Variants in ATM observed in about 807,000 individuals in gnomAD.
ATM encodes the protein serine-protein kinase ATM.
ATM carries 308 observed loss-of-function variants against 387.0 expected under a neutral mutation model. That is an observed-to-expected ratio of 0.80 (90% CI 0.73 to 0.87). The LOEUF is 0.87. Ranked by LOEUF, ATM falls within the 40% of genes least tolerant of loss-of-function variation. The probability of loss-of-function intolerance (pLI) is 0.00; values close to 1 mark genes in which losing one functional copy is unlikely to be tolerated. For missense variants in ATM, 3,312 were observed against 3,560.9 expected (o/e 0.93, Z 1.78); for synonymous variants, 1,156 against 1,187.3 (o/e 0.97, Z 0.54).
intron 23 of ATM, among the ~76,000 whole-genome samples, chr11:108,280,546 A>G (rs1196024387): frequency 6.6e-6 from 1 of 151,970 alleles, no homozygotes; most frequent in East Asian, 1.9e-4. Flanking sequence ...TGATACGGGT[A>G]TACAATGTGA....
At chr11:108,277,574 A>G (rs2082012390) in intron 22 of ATM, among the ~76,000 whole-genome samples, 1 of 152,170 alleles carries the variant, frequency 6.6e-6, no homozygotes, top group African/African-American at 2.4e-5. Flanking sequence ...GGAATCCACC[A>G]TTCCTCACAG....
At chr11:108,231,984 C>G (rs1224771403) in intron 4 of ATM, among the ~76,000 whole-genome samples, 1 of 152,112 alleles carries the variant, frequency 6.6e-6, no homozygotes, top group Non-Finnish European at 1.5e-5. Flanking sequence ...ATTTTATTTG[C>G]TAATAATGCT....
intron 40 of ATM, 97 bp from the exon 41 acceptor site, chr11:108,315,726 G>T: frequency 1.2e-6 from 1 of 816,616 alleles, no homozygotes; most frequent in Non-Finnish European, 2.1e-6. Context: ...ATTTAGAGTT[G>T]GGAGTTACAT....
intron 32 of ATM, among the ~76,000 whole-genome samples, chr11:108,296,256 C>CT (rs1298737298): frequency 0.017 from 2,410 of 144,946 alleles, 38 homozygotes; most frequent in African/African-American, 0.042. Flanking sequence ...TTTCATATTT[C>CT]TTTTTTTTTT....
At chr11:108,247,512 G>T (rs763805280) in intron 8 of ATM, among the ~76,000 whole-genome samples, 3 of 151,892 alleles carry the variant, frequency 2.0e-5, no homozygotes, top group Non-Finnish European at 4.4e-5. Flanking sequence ...TAAAATTCAC[G>T]ATTTTGAGTT....
At chr11:108,260,790 G>A (rs1421848888) in intron 16 of ATM, among the ~76,000 whole-genome samples, 1 of 152,218 alleles carries the variant, frequency 6.6e-6, no homozygotes, top group African/African-American at 2.4e-5. Flanking sequence ...TGCGCACCGT[G>A]CGCGAGCCGA....
intron 51 of ATM, 32 bp from the exon 52 acceptor site, chr11:108,331,846 AT>A: frequency 6.2e-7 from 1 of 1,604,576 alleles, no homozygotes; most frequent in African/African-American, 1.3e-5. Flanking sequence ...TTTTTTGTTT[AT>A]TTGCATAAAT....
At chr11:108,325,991 TA>T in intron 46 of ATM, 66 bp from the exon 47 acceptor site, 2 of 1,557,734 alleles carry the variant, frequency 1.3e-6, no homozygotes, top group Admixed American at 1.7e-5. Flanking sequence ...CTTTCATTAT[TA>T]TTATTATTCA....
At position 108,251,919 on chromosome 11, in the gene ATM, T is replaced by G; in HGVS notation, c.1690T>G (p.Cys564Gly). 6.2e-7 allele frequency: 1 copy of G among 1,613,988 alleles called. No individual in the cohort carries two copies. Among genetic ancestry groups the G allele is most frequent in the Non-Finnish European group, 8.5e-7 (1 of 1,179,860 alleles). The change falls in exon 11 of 63, where the codon TGT becomes GGT. Residue 564 changes from cysteine to glycine, a missense_variant. Transcript: ENST00000675843. ...TVKMGIEQNM[C>G]EVNRSFSLKE... ...AAAAATGGGAATAGAGCAAAATATG[T>G]GTGAAGTAAATAGAAGCTTTTCTTT...
At chr11:108,246,420 T>A (rs1020787836) in intron 7 of ATM, among the ~76,000 whole-genome samples, 2 of 152,218 alleles carry the variant, frequency 1.3e-5, no homozygotes, top group African/African-American at 4.8e-5. Flanking sequence ...ATAGATTTTG[T>A]AGTACCTTGT....
In ATM at chr11:108,325,528, C is replaced by G; in HGVS notation, c.6791C>G (p.Thr2264Ser). ...GTAGAACTCTCTATACTGGCCAGAA[C>G]TTTCAAGAACACTCAGGTAAATACA... ...HLVELSILARTFKNTQLPERA... is the reference protein window; with the variant it reads ...HLVELSILARSFKNTQLPERA... Residue 2264 changes from threonine (T) to serine (S), a missense_variant, in exon 46 of 63, where the codon ACT (threonine) becomes AGT (serine). Thr to Ser is a moderately conservative substitution (Grantham distance 58). Transcript: ENST00000675843. 6.2e-7 allele frequency: 1 copy of G among 1,604,918 alleles called. No individual in the cohort carries two copies. The highest frequency in any genetic ancestry group is 8.5e-7 in the Non-Finnish European group (1 of 1,173,338).
intron 10 of ATM, 130 bp downstream of exon 10, chr11:108,251,202 T>C (rs2080131382): frequency 2.8e-6 from 4 of 1,404,872 alleles, no homozygotes; most frequent in South Asian, 1.2e-5. Flanking sequence ...TCAGATGCTT[T>C]TCTTGTTTGG....
At position 108,357,623 on chromosome 11, in the gene ATM, G is replaced by A. The variant is rs544245637; in HGVS notation, c.8850+2749G>A. Among the ~76,000 whole-genome samples the A allele has an allele frequency of 4.6e-5, 7 of 152,262 alleles. No individual in the cohort carries two copies. The East Asian group carries it at 1.2e-3, about 25-fold the overall frequency. On this transcript the variant is annotated intron_variant, in intron 61 of 62. Transcript: ENST00000675843. Reference sequence around the variant, plus strand: ...GACAACAGGCAGACTGCCTCCTCAAGTGGGTTCCTGACCCCTGACCCCCGA... The same window carrying A: ...GACAACAGGCAGACTGCCTCCTCAAATGGGTTCCTGACCCCTGACCCCCGA...
intron 22 of ATM, among the ~76,000 whole-genome samples, chr11:108,276,084 T>A (rs962755690): frequency 6.6e-6 from 1 of 152,214 alleles, no homozygotes; most frequent in African/African-American, 2.4e-5. Context: ...TCTAATCTTG[T>A]CTTCATGCTT....
At chr11:108,293,243 A>G (rs2082904943) in intron 30 of ATM, 70 bp from the exon 31 acceptor site, 2 of 968,426 alleles carry the variant, frequency 2.1e-6, no homozygotes, top group Non-Finnish European at 3.0e-6. Context: ...CATTTATTAC[A>G]GTAAGTTTTG....
In ATM at chr11:108,280,997, C is replaced by G; in HGVS notation, c.3405C>G (p.Ser1135=). 6.2e-7 allele frequency: 1 copy of G among 1,607,332 alleles called. No individual in the cohort carries two copies. Among genetic ancestry groups the G allele is most frequent in the Non-Finnish European group, 8.5e-7 (1 of 1,175,310 alleles). ...TTTTTTTTTAATTTCTTTTTAAGTC[C>G]CATAGTGCTGAGAACCCTGAAACTT... The part of the protein sequence containing the change: ...LKAQEGMREM[S]HSAENPETLD... Residue 1135 remains serine (S), a splice_region_variant and synonymous_variant, in exon 24 of 63, where the codon TCC becomes TCG. Transcript: ENST00000675843.
intron 56 of ATM, among the ~76,000 whole-genome samples, chr11:108,341,694 T>C (rs540869361): frequency 2.6e-5 from 4 of 152,272 alleles, no homozygotes; most frequent in African/African-American, 9.6e-5. Context: ...AAAAGGATCA[T>C]TTTAATATAA....
chr11:108,334,478 G>A (rs184426434), intron 54 of ATM, among the ~76,000 whole-genome samples: 1 of 152,242 alleles, frequency 6.6e-6, no homozygotes, highest in East Asian at 1.9e-4. Flanking sequence ...TTTCATGTGG[G>A]CAGGGATATA....
intron 46 of ATM, 85 bp from the exon 47 acceptor site, chr11:108,325,973 A>C: frequency 6.8e-7 from 1 of 1,472,194 alleles, no homozygotes; most frequent in Non-Finnish European, 9.3e-7. Context: ...AATGAATGGT[A>C]GTTGCTGCTT....
Sources: allele counts gnomAD v4.1 joint callset (sites outside exome capture counted in the v4.1 genomes callset), GRCh38; gene constraint gnomAD v4.1.1; transcripts MANE v1.5; gene names NCBI Gene and HGNC (gene_info 2026-07-23, HGNC 2026-07-21).